Variants in ITPRID1 observed in about 807,000 individuals in gnomAD.
ITPRID1 encodes the protein protein ITPRID1.
ITPRID1 carries 96 observed loss-of-function variants against 95.4 expected under a neutral mutation model. The observed-to-expected ratio is 1.01, with a 90% confidence interval of 0.85 to 1.19. ITPRID1 has a LOEUF of 1.19. ITPRID1 is among the 50% of genes most tolerant of loss of function. ITPRID1 has a pLI of 0.00. For missense variants in ITPRID1, 1,339 were observed against 1,252.9 expected (o/e 1.07, Z -1.04); for synonymous variants, 510 against 453.6 (o/e 1.12, Z -1.58).
intron 10 of ITPRID1, among the ~76,000 whole-genome samples, chr7:31,590,560 G>A (rs1218309337): frequency 6.6e-6 from 1 of 152,180 alleles, no homozygotes; most frequent in Admixed American, 6.5e-5. Context: ...GTAGGAACCA[G>A]TTCCACAACA....
downstream of ITPRID1, chr7:31,658,401 CTTTGTTGAGAAAA>C: frequency 6.7e-7 from 1 of 1,484,842 alleles, no homozygotes; most frequent in East Asian, 2.5e-5. Flanking sequence ...AATTGTTTTT[CTTTGTTGAGAAAA>C]TAATCAGTTT....
intron 10 of ITPRID1, among the ~76,000 whole-genome samples, chr7:31,589,316 T>C (rs1424258137): frequency 6.6e-6 from 1 of 152,140 alleles, no homozygotes; most frequent in Non-Finnish European, 1.5e-5. Flanking sequence ...AAAATACTTA[T>C]CTGAGTTTCA....
At chr7:31,598,661 C>A (rs1193194919) in intron 10 of ITPRID1, among the ~76,000 whole-genome samples, 1 of 151,898 alleles carries the variant, frequency 6.6e-6, no homozygotes, top group African/African-American at 2.4e-5. Flanking sequence ...CCTTGGCCTC[C>A]CAAAGTGCTG....
chr7:31,515,944 T>C (rs1354265894), intron 1 of ITPRID1, among the ~76,000 whole-genome samples: 1 of 152,152 alleles, frequency 6.6e-6, no homozygotes, highest in Non-Finnish European at 1.5e-5. Flanking sequence ...AAAAGTACTG[T>C]GTTAGGAGAA....
chr7:31,582,212 A>G (rs1785429115), intron 9 of ITPRID1, among the ~76,000 whole-genome samples: 1 of 152,212 alleles, frequency 6.6e-6, no homozygotes, highest in African/African-American at 2.4e-5. Flanking sequence ...AAGTAAACTA[A>G]TGTACTTCCT....
intron 5 of ITPRID1, among the ~76,000 whole-genome samples, chr7:31,564,342 AT>A (rs1424199752): frequency 6.6e-6 from 1 of 151,820 alleles, no homozygotes; most frequent in African/African-American, 2.4e-5. Context: ...AGTGGGAAAA[AT>A]TTTTTTCTCA....
At chr7:31,589,673 G>A (rs571195669) in intron 10 of ITPRID1, among the ~76,000 whole-genome samples, 27 of 152,202 alleles carry the variant, frequency 1.8e-4, no homozygotes, top group Admixed American at 1.5e-3. Flanking sequence ...CAACAGAGAC[G>A]AGAAGACAGT....
At chr7:31,531,204 C>T (rs1783586220) in intron 1 of ITPRID1, among the ~76,000 whole-genome samples, 1 of 152,126 alleles carries the variant, frequency 6.6e-6, no homozygotes, top group Non-Finnish European at 1.5e-5. Flanking sequence ...TGCATAGTTA[C>T]AAGATGATCT....
chr7:31,561,350 G>A (rs1784617183), intron 5 of ITPRID1, among the ~76,000 whole-genome samples: 1 of 152,168 alleles, frequency 6.6e-6, no homozygotes, highest in African/African-American at 2.4e-5. Flanking sequence ...ATGTACTGAG[G>A]CATATGGTGC....
At chr7:31,645,623 C>T (rs1790397445) in intron 12 of ITPRID1, among the ~76,000 whole-genome samples, 1 of 152,116 alleles carries the variant, frequency 6.6e-6, no homozygotes, top group Non-Finnish European at 1.5e-5. Flanking sequence ...CCACCATCAT[C>T]ATTATTTACA....
At chr7:31,529,933 G>A (rs12701110) in intron 1 of ITPRID1, 174,586 of 817,016 alleles carry the variant, frequency 0.21, 19,871 homozygotes, top group East Asian at 0.27. Context: ...GGCAGCGATG[G>A]CGTGTTCTGA....
intron 10 of ITPRID1, among the ~76,000 whole-genome samples, chr7:31,598,398 C>CTTTTTT (rs869161999): frequency 2.0e-4 from 21 of 106,836 alleles, no homozygotes; most frequent in South Asian, 3.1e-4. Flanking sequence ...TTTTTTTTTT[C>CTTTTTT]TTTTTTTTTT....
chr7:31,559,655 ACT>A (rs1375876628), intron 5 of ITPRID1, among the ~76,000 whole-genome samples: 4 of 152,030 alleles, frequency 2.6e-5, no homozygotes, highest in African/African-American at 7.2e-5. Flanking sequence ...ACAGAGTGAG[ACT>A]CTGTCTCAGA....
chr7:31,585,483 T>A (rs904891073), intron 10 of ITPRID1, among the ~76,000 whole-genome samples: 1 of 152,168 alleles, frequency 6.6e-6, no homozygotes, highest in Non-Finnish European at 1.5e-5. Flanking sequence ...AAAGGAAATA[T>A]ATAATAGTGC....
intron 12 of ITPRID1, among the ~76,000 whole-genome samples, chr7:31,650,616 C>T (rs918330458): frequency 3.3e-5 from 5 of 152,180 alleles, no homozygotes; most frequent in Non-Finnish European, 7.3e-5. Flanking sequence ...GTGGATGAAG[C>T]TGATCCTGCA....
At chr7:31,586,289 G>C (rs1322327518) in intron 10 of ITPRID1, among the ~76,000 whole-genome samples, 2 of 141,664 alleles carry the variant, frequency 1.4e-5, no homozygotes, top group Admixed American at 1.4e-4. Context: ...GAATAATGCC[G>C]CAATAAACAT....
At chr7:31,638,937 C>T (rs931137330) in intron 10 of ITPRID1, among the ~76,000 whole-genome samples, 8 of 152,054 alleles carry the variant, frequency 5.3e-5, no homozygotes, top group Admixed American at 2.6e-4. Flanking sequence ...CCACCACACC[C>T]GCTAATTTTT....
Position 31,578,203 on chromosome 7 carries a change from A to G in ITPRID1, c.939A>G (p.Val313=), listed in dbSNP as rs1358036168. 2 of 1,613,638 alleles carry G rather than the reference A, an allele frequency of 1.2e-6. No homozygotes were observed. The highest frequency in any genetic ancestry group is 1.7e-6 in the Non-Finnish European group (2 of 1,179,788). The change falls in exon 9 of 15, where the codon GTA becomes GTG. Residue 313 remains valine, a synonymous_variant. Transcript: ENST00000615280. ...NHKQNHLSLS[V]EHQSLQACDD... ...AGCAAAATCATTTGTCTCTGTCAGT[A>G]GAACATCAGTCTCTCCAAGCCTGTG...
chr7:31,616,659 C>A (rs1304557337), intron 10 of ITPRID1, among the ~76,000 whole-genome samples: 2 of 151,996 alleles, frequency 1.3e-5, no homozygotes, highest in Admixed American at 1.3e-4. Flanking sequence ...AGGTAAATTC[C>A]CCAGATAGCT....
Sources: gnomAD v4.1 joint callset for allele counts (sites outside exome capture counted in the v4.1 genomes callset) on GRCh38, gnomAD v4.1.1 for gene constraint, MANE v1.5 for transcripts, NCBI Gene and HGNC (gene_info 2026-07-23, HGNC 2026-07-21) for gene names.